Variants in SEMA3D observed in about 807,000 individuals in gnomAD.
SEMA3D encodes semaphorin 3D.
In SEMA3D, 84 loss-of-function variants were observed where a neutral mutation model predicts 100.1. That is an observed-to-expected ratio of 0.84 (90% CI 0.70 to 1.01). SEMA3D has a LOEUF of 1.01. Among genes scored for constraint, SEMA3D ranks in the 50% least tolerant of loss-of-function variants. The pLI is 0.00. For synonymous variants in SEMA3D, 312 were observed against 320.7 expected (o/e 0.97, Z 0.29); for missense variants, 875 against 934.1 (o/e 0.94, Z 0.82).
chr7:85,132,230 CA>C (rs1562830191), intron 2 of SEMA3D, among the ~76,000 whole-genome samples: 1 of 151,666 alleles, frequency 6.6e-6, no homozygotes. Context: ...TCAAACATAG[CA>C]AAACTTTCAT....
intron 10 of SEMA3D, chr7:85,041,562 AGATT>A (rs1790865762): frequency 6.6e-6 from 1 of 152,208 alleles, no homozygotes; most frequent in Non-Finnish European, 1.5e-5. Context: ...TCCATGATAT[AGATT>A]ATCATTTTTA....
At chr7:85,050,861 C>T (rs944196299) in intron 9 of SEMA3D, 24 of 400,180 alleles carry the variant, frequency 6.0e-5, no homozygotes, top group South Asian at 4.0e-4. Flanking sequence ...GCAAAATACA[C>T]GCACCACTAC....
chr7:85,233,706 A>T, the SEMA3D span, among the ~76,000 whole-genome samples: 12,520 of 152,258 alleles, frequency 0.082, 1,313 homozygotes, highest in African/African-American at 0.24. Context: ...TGGTTTTACT[A>T]GTTTTATCTG....
the SEMA3D span, among the ~76,000 whole-genome samples, chr7:85,243,694 A>G: frequency 2.7e-3 from 412 of 152,344 alleles, 2 homozygotes; most frequent in South Asian, 7.9e-3. Context: ...ACTACAAAAA[A>G]AATGGAATCT....
At chr7:85,055,662 ATATATATATATATATATATATATG>A (rs1791290902) in intron 9 of SEMA3D, 31 bp downstream of exon 9, 1 of 147,558 alleles carries the variant, frequency 6.8e-6, no homozygotes. Flanking sequence ...ATATATATAT[ATATATATATATATATATATATATG>A]TTTTAAGTAA....
chr7:85,084,605 T>C (rs1454875594), intron 4 of SEMA3D, among the ~76,000 whole-genome samples: 1 of 152,040 alleles, frequency 6.6e-6, no homozygotes, highest in Non-Finnish European at 1.5e-5. Flanking sequence ...TTTTTTTTCC[T>C]TTCTTTTTAA....
chr7:85,129,925 T>C (rs559720741), intron 2 of SEMA3D, among the ~76,000 whole-genome samples: 12 of 152,216 alleles, frequency 7.9e-5, no homozygotes, highest in African/African-American at 2.9e-4. Context: ...ACATGTACTG[T>C]TAAGATCAAA....
intron 7 of SEMA3D, among the ~76,000 whole-genome samples, chr7:85,066,939 GAGA>G: frequency 6.6e-6 from 1 of 150,620 alleles, no homozygotes; most frequent in Non-Finnish European, 1.5e-5. Context: ...GAGAGAGAGA[GAGA>G]GAGAACTCCA....
intron 1 of SEMA3D, chr7:85,181,733 T>C: frequency 3.1e-6 from 3 of 957,890 alleles, no homozygotes; most frequent in South Asian, 9.7e-5. Flanking sequence ...TTGTAGCTTA[T>C]TGAGCTTTGC....
the SEMA3D span, among the ~76,000 whole-genome samples, chr7:85,194,921 C>A: frequency 6.6e-6 from 1 of 152,020 alleles, no homozygotes; most frequent in African/African-American, 2.4e-5. Context: ...TTAGGTTCCA[C>A]CCATATGATC....
At chr7:85,234,173 G>C in the SEMA3D span, among the ~76,000 whole-genome samples, 1 of 152,168 alleles carries the variant, frequency 6.6e-6, no homozygotes, top group Non-Finnish European at 1.5e-5. Flanking sequence ...GGTTTTGGAA[G>C]CAGAGTGGGT....
intron 2 of SEMA3D, among the ~76,000 whole-genome samples, chr7:85,134,938 T>A (rs868023398): frequency 1.3e-5 from 2 of 152,044 alleles, no homozygotes; most frequent in African/African-American, 4.8e-5. Flanking sequence ...ACGGGAGGAA[T>A]AACTGAGTGA....
At chr7:85,225,400 C>T in the SEMA3D span, among the ~76,000 whole-genome samples, 1 of 150,978 alleles carries the variant, frequency 6.6e-6, no homozygotes, top group Admixed American at 6.7e-5. Flanking sequence ...AAGAAAGGTA[C>T]ACACTCACTT....
Position 85,130,175 on chromosome 7 carries a change from A to G in SEMA3D, c.-40-8244T>C, listed in dbSNP as rs140327594. 8.5e-5 allele frequency among the ~76,000 whole-genome samples: 13 copies of G among 152,286 alleles called. No individual in the cohort carries two copies. The East Asian group carries it at 2.3e-3, about 27-fold the overall frequency. ...TTAGCATCACATGTGGAATTTAGGA[A>G]CCAAGTCTTCATATCGGATTTGAAT... On this transcript the variant is annotated intron_variant, in intron 2 of 18. Transcript: ENST00000284136.
intron 7 of SEMA3D, among the ~76,000 whole-genome samples, chr7:85,066,495 G>T (rs567698152): frequency 4.6e-5 from 7 of 152,022 alleles, no homozygotes; most frequent in Middle Eastern, 3.4e-3. Flanking sequence ...CCTAATGTTA[G>T]TCAGGGTGTT....
intron 2 of SEMA3D, among the ~76,000 whole-genome samples, chr7:85,127,124 AT>A (rs1477417487): frequency 6.6e-6 from 1 of 152,132 alleles, no homozygotes; most frequent in Non-Finnish European, 1.5e-5. Context: ...AGAGTCTTAT[AT>A]TTGATTAAAT....
intron 2 of SEMA3D, among the ~76,000 whole-genome samples, chr7:85,124,965 C>T (rs760611885): frequency 1.3e-5 from 2 of 152,034 alleles, no homozygotes; most frequent in Non-Finnish European, 2.9e-5. Context: ...TATCCTGTTC[C>T]TTCCATTATT....
At chr7:85,244,318 T>G in the SEMA3D span, among the ~76,000 whole-genome samples, 1 of 152,174 alleles carries the variant, frequency 6.6e-6, no homozygotes, top group Non-Finnish European at 1.5e-5. Flanking sequence ...AGAAGTGGCA[T>G]TAATCTATTC....
intron 8 of SEMA3D, among the ~76,000 whole-genome samples, chr7:85,062,818 T>A (rs1791513801): frequency 6.6e-6 from 1 of 152,192 alleles, no homozygotes; most frequent in Admixed American, 6.5e-5. Flanking sequence ...AGGAAAAGGT[T>A]GGAAATACAA....
Sources: gnomAD v4.1 joint callset for allele counts (sites outside exome capture counted in the v4.1 genomes callset) on GRCh38, gnomAD v4.1.1 for gene constraint, MANE v1.5 for transcripts, NCBI Gene and HGNC (gene_info 2026-07-23, HGNC 2026-07-21) for gene names.